ARHGAP25: variants seen among roughly 807,000 people sequenced by gnomAD.
ARHGAP25 encodes the protein rho GTPase-activating protein 25.
A neutral mutation model predicts 71.0 loss-of-function variants in ARHGAP25; 34 were observed. The ratio of observed to expected loss-of-function variants is 0.48; its 90% CI spans 0.36 to 0.64. ARHGAP25 has a LOEUF of 0.64. Ranked by LOEUF, ARHGAP25 falls within the 30% of genes least tolerant of loss-of-function variation. The pLI is 0.00. For missense variants in ARHGAP25, 706 were observed against 805.1 expected (o/e 0.88, Z 1.49); for synonymous variants, 282 against 296.5 (o/e 0.95, Z 0.50).
chr2:68,712,341 C>T (rs532407250), intron 2 of ARHGAP25, among the ~76,000 whole-genome samples: 9 of 152,284 alleles, frequency 5.9e-5, no homozygotes, highest in South Asian at 2.1e-4. Flanking sequence ...TCATATCCTT[C>T]ACCCACTTTT....
chr2:68,798,001 T>A (rs1679690868), intron 4 of ARHGAP25, among the ~76,000 whole-genome samples: 1 of 152,242 alleles, frequency 6.6e-6, no homozygotes, highest in East Asian at 1.9e-4. Context: ...ACTCCCAAGT[T>A]CTTTCTTGAA....
chr2:68,722,849 C>A (rs554794669), intron 2 of ARHGAP25, among the ~76,000 whole-genome samples: 3 of 152,242 alleles, frequency 2.0e-5, no homozygotes, highest in Admixed American at 2.0e-4. Flanking sequence ...GAGGCAAATA[C>A]GAGTGTCACT....
chr2:68,799,956 G>A (rs753420257), intron 4 of ARHGAP25, among the ~76,000 whole-genome samples: 13 of 152,204 alleles, frequency 8.5e-5, no homozygotes, highest in Non-Finnish European at 1.3e-4. Context: ...CCAGGATGCC[G>A]CGGTGGGAAC....
chr2:68,805,344 C>T lies in ARHGAP25; in HGVS notation c.467-1929C>T, dbSNP rs565324210. ...CAGAAGTATCTAATCACAGTCTCAC[C>T]GCAATGCAATAAGTGAAACGAACAA... On this transcript the variant is annotated intron_variant, in intron 4 of 10. Transcript: ENST00000409202. 5.3e-5 allele frequency among the ~76,000 whole-genome samples: 8 copies of T among 152,030 alleles called. No individual in the cohort carries two copies. The South Asian group carries it at 1.0e-3, about 20-fold the overall frequency.
chr2:68,742,115 C>G (rs938804989), intron 1 of ARHGAP25, among the ~76,000 whole-genome samples: 2 of 152,154 alleles, frequency 1.3e-5, no homozygotes, highest in Admixed American at 1.3e-4. Flanking sequence ...CTCCTTTCCA[C>G]GCCGTACTAT....
intron 1 of ARHGAP25, among the ~76,000 whole-genome samples, chr2:68,741,813 C>T (rs980716964): frequency 5.9e-5 from 9 of 152,176 alleles, no homozygotes; most frequent in Non-Finnish European, 1.0e-4. Context: ...TAAAGTAAAA[C>T]GCAATTCCAT....
intron 2 of ARHGAP25, among the ~76,000 whole-genome samples, chr2:68,712,784 G>A (rs1008893876): frequency 7.2e-5 from 11 of 152,046 alleles, no homozygotes; most frequent in Admixed American, 2.0e-4. Flanking sequence ...CCTATTGCTC[G>A]TTTTTGTCAG....
chr2:68,745,387 T>C (rs771422077), intron 1 of ARHGAP25, among the ~76,000 whole-genome samples: 6 of 152,210 alleles, frequency 3.9e-5, no homozygotes, highest in Non-Finnish European at 8.8e-5. Flanking sequence ...ATTACCTCAG[T>C]GAGCCACCAT....
upstream of ARHGAP25, among the ~76,000 whole-genome samples, chr2:68,734,367 C>T (rs1220582735): frequency 6.6e-6 from 1 of 152,186 alleles, no homozygotes; most frequent in Non-Finnish European, 1.5e-5. Flanking sequence ...GTGGGTCGAC[C>T]TAGCTTAAGT....
Position 68,767,359 on chromosome 2 carries a change from G to A in ARHGAP25, c.62-7862G>A, listed in dbSNP as rs76481125. ...CCTAATTTCCTTCTGGGTGGAAACT[G>A]AGGGCCATCATCCCGCAGTCTGATA... On this transcript the variant is annotated intron_variant, in intron 1 of 10. Coordinates refer to ENST00000409202, the MANE Select transcript of ARHGAP25 (RefSeq NM_001007231.3). This position sits in a 1 kb window ranked among gnomAD's most constrained non-coding sequence, Gnocchi z 4.6. Among the ~76,000 whole-genome samples the A allele has an allele frequency of 1.4e-3, 212 of 152,194 alleles. 8 individuals are homozygous for A. The East Asian group carries it at 0.036, about 26-fold the overall frequency.
At chr2:68,721,552 G>T (rs1674762455) in intron 2 of ARHGAP25, among the ~76,000 whole-genome samples, 1 of 152,166 alleles carries the variant, frequency 6.6e-6, no homozygotes, top group South Asian at 2.1e-4. Context: ...AAAGTTACAG[G>T]TTCCCACCAG....
intron 2 of ARHGAP25, among the ~76,000 whole-genome samples, chr2:68,723,588 C>T (rs1235287762): frequency 6.6e-6 from 1 of 152,206 alleles, no homozygotes; most frequent in Admixed American, 6.5e-5. Context: ...GCTGTCTTTT[C>T]TGTGCGGCAC....
chr2:68,745,530 C>T (rs562023356), intron 1 of ARHGAP25, among the ~76,000 whole-genome samples: 155 of 152,244 alleles, frequency 1.0e-3, no homozygotes, highest in African/African-American at 3.5e-3. Flanking sequence ...TCATCATAAC[C>T]CCTAACCCTA....
At chr2:68,751,656 T>C (rs528091466) in intron 1 of ARHGAP25, among the ~76,000 whole-genome samples, 1 of 152,300 alleles carries the variant, frequency 6.6e-6, no homozygotes, top group East Asian at 1.9e-4. Flanking sequence ...CTCTAGAAAT[T>C]GTGTGAAAAA....
At chr2:68,797,275 C>G (rs1679625241) in intron 4 of ARHGAP25, among the ~76,000 whole-genome samples, 1 of 152,166 alleles carries the variant, frequency 6.6e-6, no homozygotes, top group Non-Finnish European at 1.5e-5. Context: ...GCAACCTTTG[C>G]TGTCCTGAAG....
At position 68,735,779 on chromosome 2, in the gene ARHGAP25, T is replaced by G. The variant is rs78199134; in HGVS notation, c.61+519T>G. ...TACTAAAGTATAATAAAGACCTTAC[T>G]TAATAAAAATATAATTAAAGGAACA... On this transcript the variant is annotated intron_variant, in intron 1 of 10. Transcript: ENST00000409202. Among the ~76,000 whole-genome samples, 895 of 152,296 alleles carry G rather than the reference T, an allele frequency of 5.9e-3. 9 individuals are homozygous for G. Among genetic ancestry groups the G allele is most frequent in the African/African-American group, 0.02 (845 of 41,554 alleles).
At chr2:68,782,994 C>G (rs1007659440) in intron 3 of ARHGAP25, among the ~76,000 whole-genome samples, 1 of 152,248 alleles carries the variant, frequency 6.6e-6, no homozygotes, top group African/African-American at 2.4e-5. Context: ...GCTGTGTAGC[C>G]TTGCTGCTAC....
chr2:68,809,486 G>A (rs544792437), intron 5 of ARHGAP25, among the ~76,000 whole-genome samples: 1 of 152,280 alleles, frequency 6.6e-6, no homozygotes, highest in Admixed American at 6.5e-5. Context: ...AGTGGGAGAG[G>A]AAGAGACCAG....
At chr2:68,784,414 T>G (rs1216195390) in intron 3 of ARHGAP25, among the ~76,000 whole-genome samples, 2 of 152,172 alleles carry the variant, frequency 1.3e-5, no homozygotes, top group Admixed American at 1.3e-4. Context: ...AGAAATGGGC[T>G]TCCCAGATAG....
Sources: allele counts gnomAD v4.1 joint callset (sites outside exome capture counted in the v4.1 genomes callset), GRCh38; gene constraint gnomAD v4.1.1; non-coding constraint Gnocchi (gnomAD v3.1); transcripts MANE v1.5; gene names NCBI Gene and HGNC (gene_info 2026-07-23, HGNC 2026-07-21).